Variants in PCDHGB3 observed in about 807,000 individuals in gnomAD.
The protein encoded by PCDHGB3 is protocadherin gamma subfamily B, 3.
A neutral mutation model predicts 59.2 loss-of-function variants in PCDHGB3; 40 were observed. That is an observed-to-expected ratio of 0.68 (90% CI 0.52 to 0.88). The LOEUF (loss-of-function observed/expected upper bound fraction) is 0.88. PCDHGB3 is among the 40% of genes least tolerant of loss of function. PCDHGB3 has a pLI of 0.00. For synonymous variants in PCDHGB3, 581 were observed against 503.6 expected, an observed-to-expected ratio of 1.15 and a Z score of -2.06; for missense variants, 1,309 against 1,187.9, an observed-to-expected ratio of 1.10 and a Z score of -1.50.
chr5:141,505,486 G>A lies in PCDHGB3; in HGVS notation c.2563+5G>A, dbSNP rs1291166546. The A allele has an allele frequency of 1.8e-5, 29 of 1,614,088 alleles. No homozygotes were observed. The highest frequency in any genetic ancestry group is 2.1e-5 in the Non-Finnish European group (25 of 1,180,018). On this transcript the variant is annotated splice_donor_5th_base_variant and intron_variant, in intron 3 of 3. Transcript: ENST00000576222. ...TGATCTTGGCGTCCGCCAGTGGTAA[G>A]TGGTGTCAGTGTGTGTATGGAAGAG...
At chr5:141,383,665 C>T (rs1779352748) in intron 1 of PCDHGB3, 2 of 1,613,970 alleles carry the variant, frequency 1.2e-6, no homozygotes, top group Non-Finnish European at 1.7e-6. Flanking sequence ...CGAGAATGTG[C>T]CAGTGGGTAC....
intron 1 of PCDHGB3, among the ~76,000 whole-genome samples, chr5:141,482,767 A>G (rs2099572087): frequency 6.6e-6 from 1 of 150,474 alleles, no homozygotes; most frequent in East Asian, 1.9e-4. Flanking sequence ...TTTCATTATC[A>G]CTGAACCTTA....
At position 141,438,956 on chromosome 5, in the gene PCDHGB3, G is replaced by A. The variant is rs140181975; in HGVS notation, c.2416-55851G>A. 3.9e-3 allele frequency among the ~76,000 whole-genome samples: 592 copies of A among 151,974 alleles called. 6 individuals are homozygous for A. Among genetic ancestry groups the A allele is most frequent in the Admixed American group, 0.011 (171 of 15,242 alleles). On this transcript the variant is annotated intron_variant, in intron 1 of 3. Coordinates refer to ENST00000576222, the MANE Select transcript of PCDHGB3 (RefSeq NM_018924.5). ...GCTGGGATTATAGGCATGAGCCACCGCACCCTGCCAACTGTCTGACTTATC... is the reference window on the plus strand; with the variant it reads ...GCTGGGATTATAGGCATGAGCCACCACACCCTGCCAACTGTCTGACTTATC...
chr5:141,465,257 T>C (rs968727090), intron 1 of PCDHGB3, among the ~76,000 whole-genome samples: 19 of 152,310 alleles, frequency 1.2e-4, no homozygotes, highest in Admixed American at 1.2e-3. Flanking sequence ...TTGTAAGCAA[T>C]GATACTAGCC....
intron 1 of PCDHGB3, chr5:141,400,462 G>C: frequency 1.2e-6 from 2 of 1,614,062 alleles, no homozygotes; most frequent in Non-Finnish European, 1.7e-6. Flanking sequence ...ACTTTGTGGT[G>C]ATTCATCTGG....
chr5:141,390,371 T>C (rs761971479), intron 1 of PCDHGB3: 15 of 1,499,488 alleles, frequency 1.0e-5, no homozygotes, highest in Non-Finnish European at 3.6e-6. Context: ...GGAAAATATA[T>C]AATTTTTAGA....
rs951502238 is a variant in PCDHGB3 at position 141,478,263 on chromosome 5, A to G, written c.2416-16544A>G. ...ACAGTGTTCGGAGTAATCATATTCA[A>G]AGTTTACAAGTGGAAGCAGTCTAGA... On this transcript the variant is annotated intron_variant, in intron 1 of 3. Coordinates refer to ENST00000576222, the MANE Select transcript of PCDHGB3 (RefSeq NM_018924.5). The G allele has an allele frequency of 2.5e-6, 4 of 1,614,046 alleles. No individual in the cohort carries two copies. The African/African-American group carries it at 5.3e-5, about 22-fold the overall frequency.
intron 1 of PCDHGB3, among the ~76,000 whole-genome samples, chr5:141,463,721 C>T (rs1012411825): frequency 1.3e-5 from 2 of 152,046 alleles, no homozygotes; most frequent in Non-Finnish European, 2.9e-5. Flanking sequence ...GCTGGGATTA[C>T]AGGCATGAGC....
At chr5:141,475,146 G>A (rs938308425) in intron 1 of PCDHGB3, among the ~76,000 whole-genome samples, 3 of 152,014 alleles carry the variant, frequency 2.0e-5, no homozygotes, top group African/African-American at 4.8e-5. Context: ...AATCTTCTCC[G>A]TCTTCTTCTT....
At position 141,490,108 on chromosome 5, in the gene PCDHGB3, C is replaced by T. The variant is rs566655929; in HGVS notation, c.2416-4699C>T. 1.4e-5 allele frequency: 22 copies of T among 1,614,244 alleles called. No individual in the cohort carries two copies. Among genetic ancestry groups the T allele is most frequent in the South Asian group, 5.5e-5 (5 of 91,090 alleles). The stretch of plus-strand genomic sequence containing the variant: ...TGGAGACCACACATCTGAGGCAGTG[C>T]GGAACCTCTTTGGCCTAGACCCTAG... On this transcript the variant is annotated intron_variant, in intron 1 of 3. Coordinates refer to ENST00000576222, the MANE Select transcript of PCDHGB3 (RefSeq NM_018924.5). This position sits in a 1 kb window ranked among gnomAD's most constrained non-coding sequence, Gnocchi z 5.4.
At chr5:141,499,908 G>A (rs903753761) in intron 2 of PCDHGB3, among the ~76,000 whole-genome samples, 2 of 151,980 alleles carry the variant, frequency 1.3e-5, no homozygotes, top group African/African-American at 2.4e-5. Flanking sequence ...GGCTGGTCTT[G>A]AACTCCTGGC....
At chr5:141,494,938 G>A in intron 2 of PCDHGB3, 73 bp downstream of exon 2, 1 of 1,611,916 alleles carries the variant, frequency 6.2e-7, no homozygotes, top group South Asian at 1.1e-5. Context: ...AGGAGATGGG[G>A]GAGGGCCCAG....
At chr5:141,463,808 T>C (rs1018369312) in intron 1 of PCDHGB3, among the ~76,000 whole-genome samples, 2 of 152,196 alleles carry the variant, frequency 1.3e-5, no homozygotes, top group African/African-American at 4.8e-5. Flanking sequence ...CTAAAAGCTT[T>C]TATCACACAT....
chr5:141,485,586 TG>T lies in PCDHGB3; in HGVS notation c.2416-9219del. The T allele has an allele frequency of 6.2e-7, 1 of 1,612,402 alleles. No homozygotes were observed. Among genetic ancestry groups the T allele is most frequent in the Non-Finnish European group, 8.5e-7 (1 of 1,178,600 alleles). Reference sequence around the variant, plus strand: ...GCCCCCCGTTTTCCGCGGCAGCAGCTGGACTTGGAAATTGGGGAGGCAGCTC... The same window carrying T: ...GCCCCCCGTTTTCCGCGGCAGCAGCTGACTTGGAAATTGGGGAGGCAGCTC... On this transcript the variant is annotated intron_variant, in intron 1 of 3. Coordinates refer to ENST00000576222, the MANE Select transcript of PCDHGB3 (RefSeq NM_018924.5). The surrounding 1 kb of genome is among the most constrained non-coding windows in gnomAD (Gnocchi z 5.7).
At chr5:141,400,261 C>G in intron 1 of PCDHGB3, 1 of 1,614,058 alleles carries the variant, frequency 6.2e-7, no homozygotes. Context: ...CTTGCGCCTG[C>G]GACGCTCCTC....
At chr5:141,481,013 A>G (rs1198627648) in intron 1 of PCDHGB3, among the ~76,000 whole-genome samples, 1 of 152,164 alleles carries the variant, frequency 6.6e-6, no homozygotes, top group Admixed American at 6.5e-5. Context: ...AGCCCAGATC[A>G]CACCACTGCA....
At chr5:141,457,537 T>A (rs967428207) in intron 1 of PCDHGB3, among the ~76,000 whole-genome samples, 2 of 152,228 alleles carry the variant, frequency 1.3e-5, no homozygotes, top group Admixed American at 6.5e-5. Flanking sequence ...TAGGGTTTAA[T>A]GACAAATGTA....
At chr5:141,442,682 T>C (rs1591733469) in intron 1 of PCDHGB3, among the ~76,000 whole-genome samples, 1 of 152,218 alleles carries the variant, frequency 6.6e-6, no homozygotes, top group East Asian at 1.9e-4. Context: ...TGAGGGACAG[T>C]AGTCAGGCAG....
chr5:141,394,802 C>A, intron 1 of PCDHGB3: 1 of 1,613,810 alleles, frequency 6.2e-7, no homozygotes, highest in East Asian at 2.2e-5. Context: ...TCACCGTAGC[C>A]GTGGCTGACA....
Sources: gnomAD v4.1 joint callset for allele counts (sites outside exome capture counted in the v4.1 genomes callset) on GRCh38, gnomAD v4.1.1 for gene constraint, Gnocchi (gnomAD v3.1) non-coding constraint, MANE v1.5 for transcripts, NCBI Gene and HGNC (gene_info 2026-07-23, HGNC 2026-07-21) for gene names.